The following BCAP29 variants were observed in gnomAD, a reference collection of about 807,000 sequenced individuals.
BCAP29 encodes B-cell receptor-associated protein 29.
Under a neutral mutation model 31.8 loss-of-function variants are expected in BCAP29, and 34 were observed. The ratio of observed to expected loss-of-function variants is 1.07; its 90% CI spans 0.81 to 1.42. BCAP29 has a LOEUF of 1.42. Ranked by LOEUF, BCAP29 falls within the 40% of genes most tolerant of loss-of-function variation. The pLI, the probability that BCAP29 is intolerant of heterozygous loss-of-function variation, is 0.00. For missense variants in BCAP29, 314 were observed against 269.2 expected (o/e 1.17, Z -1.16); for synonymous variants, 104 against 91.3 (o/e 1.14, Z -0.79).
chr7:107,594,329 G>T, intron 4 of BCAP29: 1 of 502,006 alleles, frequency 2.0e-6, no homozygotes. Flanking sequence ...TAGGACTACA[G>T]GCGGCACACC....
At chr7:107,612,186 C>A (rs1813239468) in intron 6 of BCAP29, among the ~76,000 whole-genome samples, 1 of 151,420 alleles carries the variant, frequency 6.6e-6, no homozygotes, top group Non-Finnish European at 1.5e-5. Context: ...TAAACTCCTA[C>A]CCTAAAATAC....
intron 3 of BCAP29, among the ~76,000 whole-genome samples, chr7:107,586,106 G>A (rs1478069530): frequency 5.9e-5 from 9 of 152,124 alleles, no homozygotes; most frequent in Non-Finnish European, 1.2e-4. Context: ...TCCAGGGAGG[G>A]ATTAGTACTT....
chr7:107,604,312 A>G (rs1207330871), intron 6 of BCAP29, among the ~76,000 whole-genome samples: 1 of 152,204 alleles, frequency 6.6e-6, no homozygotes, highest in African/African-American at 2.4e-5. Context: ...TAGGGACCAG[A>G]TAGTGAAAAA....
At chr7:107,585,326 A>G (rs937547572) in intron 3 of BCAP29, among the ~76,000 whole-genome samples, 7 of 152,220 alleles carry the variant, frequency 4.6e-5, no homozygotes, top group Non-Finnish European at 7.3e-5. Context: ...AAGGGATGGT[A>G]TTGTCAAAAA....
At chr7:107,607,894 T>C (rs1402556133) in intron 6 of BCAP29, among the ~76,000 whole-genome samples, 2 of 152,136 alleles carry the variant, frequency 1.3e-5, no homozygotes, top group African/African-American at 4.8e-5. Context: ...TGCCTCGGCC[T>C]CCCAAAGTGC....
intron 6 of BCAP29, among the ~76,000 whole-genome samples, chr7:107,607,227 G>A (rs557717153): frequency 1.3e-5 from 2 of 152,202 alleles, no homozygotes; most frequent in African/African-American, 4.8e-5. Context: ...TGAGGCAGAA[G>A]AATCGCTTGA....
intron 6 of BCAP29, among the ~76,000 whole-genome samples, chr7:107,605,119 A>T (rs1195333201): frequency 6.6e-6 from 1 of 152,142 alleles, no homozygotes; most frequent in African/African-American, 2.4e-5. Flanking sequence ...TTTAGTTGTG[A>T]TGTTTCCCTT....
chr7:107,592,345 A>G lies in BCAP29; in HGVS notation c.194-1610A>G, dbSNP rs181270365. On this transcript the variant is annotated intron_variant, in intron 3 of 7. Transcript: ENST00000005259. ...ACAAGCACATGAAAAGATGTTCAAC[A>G]GCATTAGCTATCAGAGAAATGCAAA... Among the ~76,000 whole-genome samples the G allele has an allele frequency of 3.0e-4, 45 of 152,352 alleles. 1 individual carries two copies. The East Asian group carries it at 5.0e-3, about 17-fold the overall frequency.
intron 6 of BCAP29, among the ~76,000 whole-genome samples, chr7:107,606,633 T>C (rs1812153087): frequency 6.6e-6 from 1 of 152,166 alleles, no homozygotes; most frequent in Non-Finnish European, 1.5e-5. Flanking sequence ...ATGTAGGGCA[T>C]TGGGAGAAGA....
At chr7:107,580,447 C>A (rs1263075534) in intron 1 of BCAP29, 146 bp downstream of exon 1, 2 of 273,442 alleles carry the variant, frequency 7.3e-6, no homozygotes, top group Non-Finnish European at 1.4e-5. Context: ...GCCCGCGGCG[C>A]CTTCTGGGAG....
At chr7:107,597,347 A>T (rs1423368357) in intron 5 of BCAP29, among the ~76,000 whole-genome samples, 1 of 151,856 alleles carries the variant, frequency 6.6e-6, no homozygotes, top group Non-Finnish European at 1.5e-5. Context: ...AAGTGCTGGG[A>T]TTATAGGCAA....
At chr7:107,605,908 C>A (rs184226736) in intron 6 of BCAP29, among the ~76,000 whole-genome samples, 49 of 152,264 alleles carry the variant, frequency 3.2e-4, no homozygotes, top group African/African-American at 1.2e-3. Context: ...AAACACTAAA[C>A]TATTAATAGT....
intron 4 of BCAP29, among the ~76,000 whole-genome samples, chr7:107,594,363 T>G (rs1395641005): frequency 1.3e-5 from 2 of 151,988 alleles, no homozygotes; most frequent in Non-Finnish European, 2.9e-5. Flanking sequence ...AATTTTTAAA[T>G]TTTTTGTAGA....
downstream of BCAP29, chr7:107,622,882 G>C (rs1473770837): frequency 6.6e-6 from 1 of 152,152 alleles, no homozygotes; most frequent in African/African-American, 2.4e-5. Flanking sequence ...AGAGGGTACT[G>C]GTTGTACCCC....
rs889513084 is a variant in BCAP29 at position 107,600,170 on chromosome 7, T to C, written c.481-227T>C. The C allele has an allele frequency of 2.2e-5, 12 of 541,564 alleles. No homozygotes were observed. In the Admixed American group the frequency reaches 2.3e-4, roughly 10 times the overall value. 33.5% of individuals were successfully genotyped at this position (541,564 alleles called of 1,614,324 possible). A position where few individuals can be genotyped will look rare whatever the true frequency, so the allele number is the denominator to read the frequency against. ...TAATCACAGCAACTAGAAATTCTTA[T>C]GTTCATTTTACAGATTTTGCCATAA... On this transcript the variant is annotated intron_variant, in intron 5 of 7. Transcript: ENST00000005259.
Position 107,595,185 on chromosome 7 carries a change from A to G in BCAP29, c.345-682A>G, listed in dbSNP as rs543717140. Among the ~76,000 whole-genome samples, 6 of 152,312 alleles carry G rather than the reference A, an allele frequency of 3.9e-5. No individual in the cohort carries two copies. The East Asian group carries it at 1.2e-3, about 29-fold the overall frequency. ...GCCTTCTGTGGCCATCACTACCCAC[A>G]AAGTAGGTAGGTCTTCTCTTACAGG... On this transcript the variant is annotated intron_variant, in intron 4 of 7. Coordinates refer to ENST00000005259, the MANE Select transcript of BCAP29 (RefSeq NM_018844.4).
rs1814789565 is a variant in BCAP29 at position 107,620,050 on chromosome 7, TC to T, written c.*1688del. The stretch of plus-strand genomic sequence containing the variant: ...TTCAGACTGTATAGTAAGGAGAAAG[TC>T]TGGTTGCACTTTGAAGAGCTTGAAG... On this transcript the variant is annotated 3_prime_UTR_variant, in exon 8 of 8. Coordinates refer to ENST00000005259, the MANE Select transcript of BCAP29 (RefSeq NM_018844.4). 6.6e-6 allele frequency: 1 copy of T among 152,226 alleles called. No homozygotes were observed. The highest frequency in any genetic ancestry group is 1.5e-5 in the Non-Finnish European group (1 of 68,042). 9.4% of individuals were successfully genotyped at this position (152,226 alleles called of 1,614,324 possible).
downstream of BCAP29, chr7:107,622,750 A>G (rs73724554): frequency 1.6e-4 from 25 of 152,294 alleles, no homozygotes; most frequent in African/African-American, 6.0e-4. Flanking sequence ...CTCCTAGTGG[A>G]TAGAAGTCAG....
intron 2 of BCAP29, among the ~76,000 whole-genome samples, chr7:107,581,701 T>C (rs1056531076): frequency 1.3e-5 from 2 of 152,242 alleles, no homozygotes; most frequent in Admixed American, 6.5e-5. Flanking sequence ...ATCCCAGGAC[T>C]GGGAGAAACT....
Sources: allele counts gnomAD v4.1 joint callset (sites outside exome capture counted in the v4.1 genomes callset), GRCh38; gene constraint gnomAD v4.1.1; transcripts MANE v1.5; gene names NCBI Gene and HGNC (gene_info 2026-07-23, HGNC 2026-07-21).